Variants in MLH3 observed in about 807,000 individuals in gnomAD.
The protein encoded by MLH3 is DNA mismatch repair protein Mlh3.
In MLH3, 82 loss-of-function variants were observed where a neutral mutation model predicts 122.2. The ratio of observed to expected loss-of-function variants is 0.67; its 90% CI spans 0.56 to 0.81. MLH3 has a LOEUF of 0.81. Among genes scored for constraint, MLH3 ranks in the 30% least tolerant of loss-of-function variants. The pLI is 0.00. For missense variants in MLH3, 1,539 were observed against 1,714.5 expected (o/e 0.90, Z 1.81); for synonymous variants, 524 against 599.5 (o/e 0.87, Z 1.84).
At chr14:75,036,353 A>AT (rs72459530) in intron 6 of MLH3, among the ~76,000 whole-genome samples, 19,589 of 149,722 alleles carry the variant, frequency 0.13, 1,381 homozygotes, top group East Asian at 0.2. Flanking sequence ...ACATCTTTTT[A>AT]TTTTATTTTT....
intron 2 of MLH3, among the ~76,000 whole-genome samples, chr14:75,043,695 T>C (rs1386941343): frequency 6.6e-6 from 1 of 152,222 alleles, no homozygotes; most frequent in East Asian, 1.9e-4. Context: ...ATAACTACAA[T>C]AGAAAGAACT....
rs2139583465 is a variant in MLH3, at chr14:75,048,221, A to T, written c.1435T>A (p.Ser479Thr). 1 of 1,613,716 alleles carries T rather than the reference A, an allele frequency of 6.2e-7. No individual in the cohort carries two copies. The highest frequency in any genetic ancestry group is 8.5e-7 in the Non-Finnish European group (1 of 1,179,902). ...TGTTTCTCATTTTCTCCAGCTTCTG[A>T]TGCTACAATTGTCTCTTGTTCTAAC... ...KMLEQETIVA[S>T]EAGENEKHKK... Residue 479 changes from serine to threonine, a missense_variant, in exon 2 of 13, where the codon TCA (serine) becomes ACA (threonine). Physicochemically the swap from Ser to Thr is moderately conservative, Grantham distance 58. Transcript: ENST00000355774.
intron 9 of MLH3, 32 bp downstream of exon 9, chr14:75,030,511 C>T (rs2139383762): frequency 6.2e-7 from 1 of 1,608,108 alleles, no homozygotes. Flanking sequence ...CATCACTCAG[C>T]AATTTCCTTA....
chr14:75,047,389 T>G lies in MLH3; in HGVS notation c.2267A>C (p.Lys756Thr). The change falls in exon 2 of 13, where the codon AAG becomes ACG. Residue 756 changes from lysine (K) to threonine (T), a missense_variant. By Grantham distance (78) the Lys-to-Thr change is moderately conservative (BLOSUM62 -1). Coordinates refer to ENST00000355774, the MANE Select transcript of MLH3 (RefSeq NM_001040108.2). ...AACCTTCCCATATTGCCTCTTAAAC[T>G]TCTCTAAAGATCCTAGCTGTGAACT... ...SLSSQLGSLE[K>T]FKRQYGKVEN... is the part of the protein sequence containing the mutation. 6.2e-7 allele frequency: 1 copy of G among 1,614,134 alleles called. No homozygotes were observed. Among genetic ancestry groups the G allele is most frequent in the Non-Finnish European group, 8.5e-7 (1 of 1,180,012 alleles).
intron 2 of MLH3, among the ~76,000 whole-genome samples, chr14:75,043,326 A>G (rs1015568929): frequency 6.6e-6 from 1 of 152,264 alleles, no homozygotes; most frequent in Non-Finnish European, 1.5e-5. Flanking sequence ...CATTTGTCTC[A>G]TTATAATACA....
In MLH3 at chr14:75,047,153, C is replaced by T. The variant is rs766153131; in HGVS notation, c.2503G>A (p.Asp835Asn). 2 of 1,614,148 alleles carry T rather than the reference C, an allele frequency of 1.2e-6. No individual in the cohort carries two copies. Among genetic ancestry groups the T allele is most frequent in the Non-Finnish European group, 1.7e-6 (2 of 1,180,008 alleles). The change falls in exon 2 of 13, where the codon GAT (aspartate) becomes AAT (asparagine). Residue 835 changes from aspartate to asparagine, a missense_variant. Transcript: ENST00000355774. ...LNSEKFPFSKDEDCLEQQMPS... is the reference protein window; with the variant it reads ...LNSEKFPFSKNEDCLEQQMPS... Reference sequence around the variant, plus strand: ...ATCTGTTGTTCTAAACAATCTTCATCCTTGGAGAATGGAAACTTCTCTGAG... The same window carrying T: ...ATCTGTTGTTCTAAACAATCTTCATTCTTGGAGAATGGAAACTTCTCTGAG...
chr14:75,019,616 C>T (rs981303225), intron 11 of MLH3, among the ~76,000 whole-genome samples: 7 of 152,136 alleles, frequency 4.6e-5, no homozygotes, highest in African/African-American at 1.7e-4. Context: ...GTATTTTTGC[C>T]TACTCTTTAT....
chr14:75,036,580 G>T, intron 6 of MLH3: 1 of 447,990 alleles, frequency 2.2e-6, no homozygotes, highest in Non-Finnish European at 4.5e-6. Context: ...CTGACCTCAG[G>T]TGATCCACCC....
At chr14:75,044,121 T>C (rs1036848815) in intron 2 of MLH3, among the ~76,000 whole-genome samples, 2 of 152,186 alleles carry the variant, frequency 1.3e-5, no homozygotes, top group African/African-American at 2.4e-5. Context: ...AACAATTTAT[T>C]TCATGTAACA....
chr14:75,022,615 C>T (rs1201594905), intron 11 of MLH3, among the ~76,000 whole-genome samples, 199 bp downstream of exon 11: 1 of 152,196 alleles, frequency 6.6e-6, no homozygotes, highest in East Asian at 1.9e-4. Context: ...GGTCAGGCAG[C>T]ACTATAGTCA....
At position 75,040,449 on chromosome 14, in the gene MLH3, C is replaced by CAAAA. The variant is rs36233766; in HGVS notation, c.3466-438_3466-435dup. 3.3e-3 allele frequency among the ~76,000 whole-genome samples: 116 copies of CAAAA among 35,622 alleles called. 5 individuals are homozygous for CAAAA. Among genetic ancestry groups the CAAAA allele is most frequent in the Admixed American group, 4.9e-3 (9 of 1,830 alleles). The allele number at this position is 35,622 out of a possible 152,430, so 23.4% of individuals were successfully genotyped here. The stretch of plus-strand genomic sequence containing the variant: ...TGGGCGACACAGCAAGACTCTGTCA[C>CAAAA]AAAAAAAAAAAAAAAAAAAAAAAAA... On this transcript the variant is annotated intron_variant, in intron 4 of 12. Transcript: ENST00000355774.
At chr14:75,033,086 G>A (rs1353595554) in intron 7 of MLH3, among the ~76,000 whole-genome samples, 1 of 152,030 alleles carries the variant, frequency 6.6e-6, no homozygotes, top group Admixed American at 6.6e-5. Flanking sequence ...CTGATGGAGT[G>A]TGGGAAGGCA....
At chr14:75,024,377 C>T (rs972020309) in intron 9 of MLH3, among the ~76,000 whole-genome samples, 1 of 152,014 alleles carries the variant, frequency 6.6e-6, no homozygotes, top group Non-Finnish European at 1.5e-5. Context: ...AATTTTGTAT[C>T]TTTAGTAGAG....
At chr14:75,031,329 C>T (rs573848208) in intron 8 of MLH3, among the ~76,000 whole-genome samples, 33 of 152,204 alleles carry the variant, frequency 2.2e-4, no homozygotes, top group East Asian at 5.8e-4. Flanking sequence ...ATTATGATTA[C>T]GATAATGAAA....
At position 75,013,921 on chromosome 14, in the gene MLH3, C is replaced by T. The variant is rs114296879; in HGVS notation, c.*3161G>A. On this transcript the variant is annotated 3_prime_UTR_variant, in exon 13 of 13. Transcript: ENST00000355774. ...TAGAGGGTAAAGACAGGCATGATCG[C>T]GACTGGCCAGCATACTGGCCGGTTC... 9.5e-4 allele frequency: 193 copies of T among 202,366 alleles called. No individual in the cohort carries two copies. Among genetic ancestry groups the T allele is most frequent in the African/African-American group, 3.9e-3 (170 of 43,708 alleles). 12.5% of individuals were successfully genotyped at this position (202,366 alleles called of 1,614,324 possible).
Position 75,049,209 on chromosome 14 carries a change from A to ATTT in MLH3, c.446_447insAAA (p.Tyr149delinsTer). On this transcript the variant is annotated stop_gained, in exon 2 of 13. Transcript: ENST00000355774. LOFTEE classifies it high-confidence loss of function. Reference sequence around the variant, plus strand: ...TTACAGGAAGCTGGTAAAATAGGTTATACACTGTTACAGTAGTCCCAGCGC... The same window carrying ATTT: ...TTACAGGAAGCTGGTAAAATAGGTTATTTTACACTGTTACAGTAGTCCCAGCGC... 6.2e-7 allele frequency: 1 copy of ATTT among 1,614,182 alleles called. No homozygotes were observed. Among genetic ancestry groups the ATTT allele is most frequent in the Non-Finnish European group, 8.5e-7 (1 of 1,180,042 alleles).
Position 75,047,224 on chromosome 14 carries a change from T to C in MLH3, c.2432A>G (p.His811Arg), listed in dbSNP as rs1892303572. 6.2e-7 allele frequency: 1 copy of C among 1,614,136 alleles called. No homozygotes were observed. The highest frequency in any genetic ancestry group is 8.5e-7 in the Non-Finnish European group (1 of 1,179,982). The part of the protein sequence containing the change: ...SDVCKITTME[H>R]SDSDSSCQPA... Reference sequence around the variant, plus strand: ...TTGACAACTACTATCTGAATCACTATGCTCCATAGTAGTGATTTTACAAAC... The same window carrying C: ...TTGACAACTACTATCTGAATCACTACGCTCCATAGTAGTGATTTTACAAAC... The change falls in exon 2 of 13, where the codon CAT becomes CGT. Residue 811 changes from histidine (H) to arginine (R), a missense_variant. By Grantham distance (29) the His-to-Arg change is conservative. Transcript: ENST00000355774.
At chr14:75,034,443 TA>T (rs1891253087) in intron 6 of MLH3, among the ~76,000 whole-genome samples, 1 of 152,184 alleles carries the variant, frequency 6.6e-6, no homozygotes, top group Non-Finnish European at 1.5e-5. Flanking sequence ...ATAAATATTT[TA>T]GGCTTTTTGG....
At chr14:75,041,579 A>G (rs776720562) in intron 4 of MLH3, 36 bp downstream of exon 4, 48 of 1,498,344 alleles carry the variant, frequency 3.2e-5, no homozygotes, top group Non-Finnish European at 4.1e-5. Context: ...AAGAAGAAGA[A>G]AAAAAAAAGG....
Sources: gnomAD v4.1 joint callset for allele counts (sites outside exome capture counted in the v4.1 genomes callset) on GRCh38, gnomAD v4.1.1 for gene constraint, MANE v1.5 for transcripts, NCBI Gene and HGNC (gene_info 2026-07-23, HGNC 2026-07-21) for gene names.